KCNMA1: variants seen among roughly 807,000 people sequenced by gnomAD.
KCNMA1 encodes the protein Calcium-activated potassium channel subunit alpha-1.
In KCNMA1, 29 loss-of-function variants were observed where a neutral mutation model predicts 140.0. The observed-to-expected ratio is 0.21, with a 90% CI of 0.15 to 0.28. The LOEUF is 0.28. Among genes scored for constraint, KCNMA1 ranks in the 10% least tolerant of loss-of-function variants. The probability of loss-of-function intolerance (pLI) is 1.00; values close to 1 mark genes in which losing one functional copy is unlikely to be tolerated. For missense variants in KCNMA1, 880 were observed against 1,602.2 expected, an observed-to-expected ratio of 0.55 and a Z score of 7.70; for synonymous variants, 612 against 611.9, an observed-to-expected ratio of 1.00 and a Z score of 0.00.
intron 11 of KCNMA1, 102 bp from the exon 12 acceptor site, chr10:77,084,821 G>GAAAA: frequency 1.6e-6 from 1 of 632,912 alleles, no homozygotes. Flanking sequence ...GCTTTGCAAA[G>GAAAA]AAAAAAAAAA....
intron 1 of KCNMA1, among the ~76,000 whole-genome samples, chr10:77,518,714 C>A (rs771842958): frequency 1.3e-5 from 2 of 152,194 alleles, no homozygotes; most frequent in Non-Finnish European, 2.9e-5. Context: ...AGAGGGAGCT[C>A]TTGGTCACCT....
intron 1 of KCNMA1, among the ~76,000 whole-genome samples, chr10:77,522,557 C>T (rs527676694): frequency 1.3e-5 from 2 of 152,304 alleles, no homozygotes; most frequent in East Asian, 3.9e-4. Flanking sequence ...AGCCCCTCAC[C>T]CACACCTCAC....
chr10:77,474,621 G>C (rs887127457), intron 1 of KCNMA1, among the ~76,000 whole-genome samples: 5 of 152,110 alleles, frequency 3.3e-5, no homozygotes, highest in African/African-American at 1.2e-4. Context: ...GGTGTGCCCT[G>C]TCTGGAGGTT....
chr10:77,156,829 T>C (rs1038368559), intron 5 of KCNMA1, among the ~76,000 whole-genome samples: 3 of 152,202 alleles, frequency 2.0e-5, no homozygotes, highest in African/African-American at 7.2e-5. Context: ...GCCAGTCCTG[T>C]GGTCCCCACC....
intron 1 of KCNMA1, among the ~76,000 whole-genome samples, chr10:77,416,531 G>C (rs2096745455): frequency 2.0e-5 from 3 of 152,222 alleles, no homozygotes; most frequent in African/African-American, 7.2e-5. Context: ...AGGATGAATT[G>C]TTTATGGTTG....
At position 77,019,027 on chromosome 10, in the gene KCNMA1, G is replaced by C; in HGVS notation, c.2001C>G (p.Ala667=). The change falls in exon 17 of 28, where the codon GCC becomes GCG. Residue 667 remains alanine, a synonymous_variant. Transcript: ENST00000286628. ...TAAACTCTTACCTTTTAACTTCTTTGGCATCACTTGCGATGAAAAATCCTA... is the reference window on the plus strand; with the variant it reads ...TAAACTCTTACCTTTTAACTTCTTTCGCATCACTTGCGATGAAAAATCCTA... ...GTLGFFIASD[A]KEVKRAFFYC... is the part of the protein sequence containing the mutation. 6.3e-7 allele frequency: 1 copy of C among 1,581,772 alleles called. No homozygotes were observed. The highest frequency in any genetic ancestry group is 8.7e-7 in the Non-Finnish European group (1 of 1,150,868).
chr10:77,627,890 C>T (rs2092723791), intron 1 of KCNMA1, among the ~76,000 whole-genome samples: 1 of 152,232 alleles, frequency 6.6e-6, no homozygotes, highest in Non-Finnish European at 1.5e-5. Flanking sequence ...CCCAAAGCTT[C>T]CTTCCACCAC....
chr10:77,491,749 ACACACC>A (rs1389366711), intron 1 of KCNMA1, among the ~76,000 whole-genome samples: 1 of 132,276 alleles, frequency 7.6e-6, no homozygotes, highest in Non-Finnish European at 1.7e-5. Flanking sequence ...ACACACACAC[ACACACC>A]CTACATATAC....
At chr10:77,105,264 C>A (rs993733132) in intron 9 of KCNMA1, among the ~76,000 whole-genome samples, 3 of 152,152 alleles carry the variant, frequency 2.0e-5, no homozygotes, top group African/African-American at 4.8e-5. Context: ...GGTGAAGAGG[C>A]TTTGAGAATG....
chr10:77,153,790 G>A (rs2098452036), intron 5 of KCNMA1, among the ~76,000 whole-genome samples: 1 of 152,138 alleles, frequency 6.6e-6, no homozygotes, highest in East Asian at 1.9e-4. Flanking sequence ...CTTACATCCT[G>A]GAGTTTACAG....
Position 77,393,303 on chromosome 10 carries a change from G to C in KCNMA1, c.540+10559C>G, listed in dbSNP as rs563536748. ...GTTCTTCTACCCCTGCCCCAGAAAA[G>C]GATTTGTTCTTCACCCCCTGACCCG... On this transcript the variant is annotated intron_variant, in intron 2 of 27. Transcript: ENST00000286628. Among the ~76,000 whole-genome samples, 139 of 152,240 alleles carry C rather than the reference G, an allele frequency of 9.1e-4. 2 individuals are homozygous for C. In the East Asian group the frequency reaches 9.3e-3, roughly 10 times the overall value.
At chr10:77,445,365 GACACACACAC>G (rs33995063) in intron 1 of KCNMA1, among the ~76,000 whole-genome samples, 1 of 141,174 alleles carries the variant, frequency 7.1e-6, no homozygotes, top group Admixed American at 7.3e-5. Context: ...CACATACACA[GACACACACAC>G]ACACACACAC....
At chr10:77,059,202 G>A (rs974312193) in intron 14 of KCNMA1, among the ~76,000 whole-genome samples, 1 of 151,748 alleles carries the variant, frequency 6.6e-6, no homozygotes, top group Admixed American at 6.6e-5. Flanking sequence ...CATTGAATTT[G>A]TATTTAAAAA....
At chr10:76,881,772 T>C (rs566708604), downstream of KCNMA1, among the ~76,000 whole-genome samples, 97 of 152,198 alleles carry the variant, frequency 6.4e-4, no homozygotes, top group African/African-American at 2.1e-3. Context: ...TATCGGGGTG[T>C]ATCCTGAAGA....
chr10:76,987,804 C>CA (rs2081684367), intron 19 of KCNMA1, among the ~76,000 whole-genome samples: 1 of 19,874 alleles, frequency 5.0e-5, no homozygotes, highest in South Asian at 1.7e-3. Context: ...GGCCAAACTG[C>CA]AAAGGCTTTG....
intron 11 of KCNMA1, 124 bp downstream of exon 11, chr10:77,086,364 A>T: frequency 1.3e-6 from 1 of 747,228 alleles, no homozygotes; most frequent in South Asian, 1.4e-5. Flanking sequence ...GATTGATCTC[A>T]TTAGGTGTTT....
At chr10:77,156,992 C>A (rs2098494098) in intron 5 of KCNMA1, among the ~76,000 whole-genome samples, 1 of 152,242 alleles carries the variant, frequency 6.6e-6, no homozygotes, top group Non-Finnish European at 1.5e-5. Flanking sequence ...TGAAGGATAA[C>A]CCTAGTCCTC....
chr10:77,534,478 C>T (rs763258434), intron 1 of KCNMA1, among the ~76,000 whole-genome samples: 6 of 152,154 alleles, frequency 3.9e-5, no homozygotes, highest in African/African-American at 9.7e-5. Flanking sequence ...AAACTAGATA[C>T]GAGGTCCTTT....
intron 2 of KCNMA1, among the ~76,000 whole-genome samples, chr10:77,258,213 ATG>A (rs1171598721): frequency 1.3e-5 from 2 of 152,206 alleles, no homozygotes; most frequent in African/African-American, 4.8e-5. Context: ...ACTGTAAACC[ATG>A]TATACATAAG....
Sources: gnomAD v4.1 joint callset for allele counts (sites outside exome capture counted in the v4.1 genomes callset) on GRCh38, gnomAD v4.1.1 for gene constraint, MANE v1.5 for transcripts, NCBI Gene and HGNC (gene_info 2026-07-23, HGNC 2026-07-21) for gene names.